ZFHX3: variants seen among roughly 807,000 people sequenced by gnomAD.
ZFHX3 encodes the protein zinc finger homeobox 3.
ZFHX3 carries 42 observed loss-of-function variants against 279.1 expected under a neutral mutation model. That is an observed-to-expected ratio of 0.15 (90% CI 0.12 to 0.19). The LOEUF (loss-of-function observed/expected upper bound fraction) is 0.19, where lower values mean the gene tolerates loss of function less well. ZFHX3 is among the 10% of genes least tolerant of loss of function. The pLI is 1.00. For missense variants in ZFHX3, 4,981 were observed against 4,754.0 expected, an observed-to-expected ratio of 1.05 and a Z score of -1.40; for synonymous variants, 2,293 against 1,957.8, an observed-to-expected ratio of 1.17 and a Z score of -4.52.
intron 4 of ZFHX3, among the ~76,000 whole-genome samples, chr16:72,854,937 G>GA (rs2037715773): frequency 1.1e-5 from 1 of 89,926 alleles, no homozygotes; most frequent in Non-Finnish European, 2.3e-5. Flanking sequence ...AAATTGGTGG[G>GA]TGGGGGGGGG....
At chr16:73,434,214 T>G (rs190184491) in intron 3 of ZFHX3, among the ~76,000 whole-genome samples, 2 of 152,104 alleles carry the variant, frequency 1.3e-5, no homozygotes, top group South Asian at 4.1e-4. Flanking sequence ...TATCATAATA[T>G]TGAAAATATG....
At chr16:73,723,438 G>A (rs917267448) in intron 1 of ZFHX3, among the ~76,000 whole-genome samples, 2 of 152,088 alleles carry the variant, frequency 1.3e-5, no homozygotes, top group South Asian at 2.1e-4. Flanking sequence ...GCTGCTCTGC[G>A]ATTAAAACGT....
At chr16:73,517,138 C>T (rs748841688) in intron 2 of ZFHX3, among the ~76,000 whole-genome samples, 5 of 152,128 alleles carry the variant, frequency 3.3e-5, no homozygotes, top group African/African-American at 9.7e-5. Flanking sequence ...CCCATATTCC[C>T]GTTAAAGTGA....
At chr16:73,446,221 C>T (rs1034911614) in intron 3 of ZFHX3, among the ~76,000 whole-genome samples, 6 of 152,118 alleles carry the variant, frequency 3.9e-5, no homozygotes, top group Admixed American at 6.5e-5. Flanking sequence ...GAGCTGGAGG[C>T]CATTGTATTA....
intron 2 of ZFHX3, among the ~76,000 whole-genome samples, chr16:73,654,059 C>A (rs527891477): frequency 6.6e-6 from 1 of 151,902 alleles, no homozygotes; most frequent in Non-Finnish European, 1.5e-5. Flanking sequence ...TGGCGGGCGC[C>A]TGTAGTCCCA....
intron 3 of ZFHX3, among the ~76,000 whole-genome samples, chr16:73,415,687 C>T (rs1007943515): frequency 6.6e-6 from 1 of 152,210 alleles, no homozygotes; most frequent in Admixed American, 6.5e-5. Flanking sequence ...CCCTGTCTGT[C>T]CCGTCACCGC....
At chr16:73,833,732 A>G (rs536801396) in intron 1 of ZFHX3, among the ~76,000 whole-genome samples, 2 of 152,036 alleles carry the variant, frequency 1.3e-5, no homozygotes, top group South Asian at 2.1e-4. Flanking sequence ...CTGCACATGT[A>G]TCCCAGAACT....
At chr16:73,457,160 C>A (rs774544193) in intron 2 of ZFHX3, among the ~76,000 whole-genome samples, 2 of 152,208 alleles carry the variant, frequency 1.3e-5, no homozygotes, top group African/African-American at 4.8e-5. Context: ...GCATAACCCT[C>A]TTCCTATTTT....
chr16:73,417,401 T>C (rs894065262), intron 3 of ZFHX3, among the ~76,000 whole-genome samples: 11 of 146,452 alleles, frequency 7.5e-5, no homozygotes, highest in East Asian at 3.9e-4. Context: ...CTTTTCTTTT[T>C]TTTTTTTTTT....
intron 4 of ZFHX3, among the ~76,000 whole-genome samples, chr16:73,300,890 C>A (rs2015041070): frequency 6.6e-6 from 1 of 152,214 alleles, no homozygotes; most frequent in African/African-American, 2.4e-5. Context: ...CACATTGATG[C>A]TGGAGCAGTC....
chr16:73,390,055 G>C (rs1029829018), intron 3 of ZFHX3, among the ~76,000 whole-genome samples: 4 of 152,066 alleles, frequency 2.6e-5, no homozygotes, highest in African/African-American at 9.7e-5. Context: ...GCGAGACTCT[G>C]TCTCAAAAAA....
intron 4 of ZFHX3, among the ~76,000 whole-genome samples, chr16:72,884,007 A>G (rs1035648587): frequency 6.6e-6 from 1 of 151,844 alleles, no homozygotes; most frequent in Non-Finnish European, 1.5e-5. Flanking sequence ...GAAATTGCAT[A>G]TAATTTAGCT....
At position 72,793,352 on chromosome 16, in the gene ZFHX3, G is replaced by T. The variant is rs752876126; in HGVS notation, c.9330C>A (p.Asn3110Lys). The T allele has an allele frequency of 9.9e-6, 16 of 1,614,094 alleles. 1 individual carries two copies. In the Admixed American group the frequency reaches 1.7e-4, roughly 17 times the overall value. Reference protein sequence around the residue: ...MFDNTPLQALNLPTAYPALQG... With the variant: ...MFDNTPLQALKLPTAYPALQG... ...GGAGCGCTGGATATGCTGTAGGAAG[G>T]TTAAGGGCCTGAAGAGGGGTGTTGT... The change falls in exon 9 of 10, where the codon AAC (asparagine) becomes AAA (lysine). Residue 3110 changes from asparagine to lysine, a missense_variant. Transcript: ENST00000268489. The surrounding 1 kb of genome is among the most constrained non-coding windows in gnomAD (Gnocchi z 4.3).
intron 4 of ZFHX3, among the ~76,000 whole-genome samples, chr16:72,835,403 A>T (rs1015189418): frequency 6.6e-6 from 1 of 151,972 alleles, no homozygotes; most frequent in African/African-American, 2.4e-5. Context: ...ATTCGGCATT[A>T]AAAAAAATGA....
upstream of ZFHX3, among the ~76,000 whole-genome samples, chr16:73,050,775 C>A (rs554759515): frequency 6.6e-6 from 1 of 152,328 alleles, no homozygotes; most frequent in Non-Finnish European, 1.5e-5. Context: ...TAAACCCACT[C>A]TCAGAAAAGG....
At chr16:73,670,116 TC>T (rs1203667155) in intron 2 of ZFHX3, among the ~76,000 whole-genome samples, 1 of 152,210 alleles carries the variant, frequency 6.6e-6, no homozygotes, top group Non-Finnish European at 1.5e-5. Flanking sequence ...TAAGGTGGTT[TC>T]CCTCGCAGAC....
intron 1 of ZFHX3, among the ~76,000 whole-genome samples, chr16:73,770,546 T>G (rs1176194638): frequency 1.3e-5 from 2 of 152,344 alleles, no homozygotes; most frequent in East Asian, 3.9e-4. Flanking sequence ...ACAAAACATT[T>G]AGATAATAAT....
chr16:73,430,331 ATACT>A (rs1425852973), intron 3 of ZFHX3, among the ~76,000 whole-genome samples: 3 of 152,214 alleles, frequency 2.0e-5, no homozygotes, highest in Non-Finnish European at 4.4e-5. Context: ...TGCATCAGAC[ATACT>A]TAAACTAAAA....
At chr16:73,402,525 C>T (rs2017276981) in intron 3 of ZFHX3, 1 of 152,218 alleles carries the variant, frequency 6.6e-6, no homozygotes, top group African/African-American at 2.4e-5. Flanking sequence ...AATTTCTCTA[C>T]TTAACTTGTT....
Sources: allele counts gnomAD v4.1 joint callset (sites outside exome capture counted in the v4.1 genomes callset), GRCh38; gene constraint gnomAD v4.1.1; non-coding constraint Gnocchi (gnomAD v3.1); transcripts MANE v1.5; gene names NCBI Gene and HGNC (gene_info 2026-07-23, HGNC 2026-07-21).